The following WNT3A variants were observed in gnomAD, a reference collection of about 807,000 sequenced individuals.
The protein encoded by WNT3A is Wnt family member 3A, also known as protein Wnt-3a.
WNT3A carries 17 observed loss-of-function variants against 37.0 expected under a neutral mutation model. The ratio of observed to expected loss-of-function variants is 0.46; its 90% confidence interval spans 0.31 to 0.69. The LOEUF (loss-of-function observed/expected upper bound fraction) is 0.69. Among genes scored for constraint, WNT3A ranks in the 30% least tolerant of loss-of-function variants. The probability of loss-of-function intolerance (pLI) is 0.05; values close to 1 mark genes in which losing one functional copy is unlikely to be tolerated. For synonymous variants in WNT3A, 187 were observed against 211.0 expected, an observed-to-expected ratio of 0.89 and a Z score of 0.99; for missense variants, 411 against 510.2, an observed-to-expected ratio of 0.81 and a Z score of 1.87.
At position 228,008,541 on chromosome 1, in the gene WNT3A, G is replaced by A. The variant is rs1042359834; in HGVS notation, c.71+1342G>A. Among the ~76,000 whole-genome samples, 1 of 151,978 alleles carries A rather than the reference G, an allele frequency of 6.6e-6. No homozygotes were observed. The highest frequency in any genetic ancestry group is 2.4e-5 in the African/African-American group (1 of 41,414). The stretch of plus-strand genomic sequence containing the variant: ...GACCCCCGCGCGCCCCTATTTCCGC[G>A]TGCCCCATTTCCCGTGCGGCACCTG... On this transcript the variant is annotated intron_variant, in intron 1 of 3. Transcript: ENST00000284523. The surrounding 1 kb of genome is among the most constrained non-coding windows in gnomAD (Gnocchi z 4.9).
chr1:228,060,057 T>C lies in WNT3A; in HGVS notation c.*592T>C, dbSNP rs2031769511. ...GGCAAGGCCCCTTCCACGGGGGCTG[T>C]GGCTCTGGGTGGGCGTGGCCTGCAT... On this transcript the variant is annotated 3_prime_UTR_variant, in exon 4 of 4. Transcript: ENST00000284523. 1.7e-6 allele frequency: 2 copies of C among 1,194,000 alleles called. No individual in the cohort carries two copies. The highest frequency in any genetic ancestry group is 2.1e-6 in the Non-Finnish European group (2 of 943,074). The allele number at this position is 1,194,000 out of a possible 1,614,324, so 74.0% of individuals were successfully genotyped here.
In WNT3A at chr1:228,058,996, G is replaced by C; in HGVS notation, c.590G>C (p.Ser197Thr). ...GCGCGTGCCCCGCAGGCCATCGCCA[G>C]CCACATGCACCTCAAGTGCAAGTGC... ...NNEAGRQAIA[S>T]HMHLKCKCHG... Residue 197 changes from serine to threonine, a missense_variant, in exon 4 of 4, where the codon AGC (serine) becomes ACC (threonine). Physicochemically the swap from Ser to Thr is moderately conservative, Grantham distance 58 (BLOSUM62 1). Coordinates refer to ENST00000284523, the MANE Select transcript of WNT3A (RefSeq NM_033131.4). 1 of 1,610,382 alleles carries C rather than the reference G, an allele frequency of 6.2e-7. No homozygotes were observed. Among genetic ancestry groups the C allele is most frequent in the Non-Finnish European group, 8.5e-7 (1 of 1,178,244 alleles).
chr1:228,046,648 G>T (rs573759407), intron 2 of WNT3A, among the ~76,000 whole-genome samples: 2 of 151,416 alleles, frequency 1.3e-5, no homozygotes, highest in East Asian at 2.0e-4. Context: ...TGCCTGCATG[G>T]TGTGCATGTG....
At chr1:228,035,335 A>G (rs3121309) in intron 2 of WNT3A, among the ~76,000 whole-genome samples, 120,977 of 152,178 alleles carry the variant, frequency 0.79, 48,261 homozygotes, top group Middle Eastern at 0.81. Context: ...AAGCAGAGAC[A>G]TGAACCTTGG....
intron 1 of WNT3A, 63 bp from the exon 2 acceptor site, chr1:228,022,604 T>C: frequency 6.4e-7 from 1 of 1,566,076 alleles, no homozygotes; most frequent in Non-Finnish European, 8.7e-7. Context: ...AAAGGGTCTG[T>C]AGCCTGCTCA....
rs183754622 is a variant in WNT3A, at chr1:228,013,440, C to G, written c.71+6241C>G. Among the ~76,000 whole-genome samples, 494 of 152,352 alleles carry G rather than the reference C, an allele frequency of 3.2e-3. 3 individuals carry two copies. Among genetic ancestry groups the G allele is most frequent in the Admixed American group, 2.2e-3 (33 of 15,312 alleles). On this transcript the variant is annotated intron_variant, in intron 1 of 3. Coordinates refer to ENST00000284523, the MANE Select transcript of WNT3A (RefSeq NM_033131.4). ...CTTCCCCGGCAAAACGTGCCGCTGCCGCCCAGGGAAACTGGCAAGTGCGTG... is the reference window on the plus strand; with the variant it reads ...CTTCCCCGGCAAAACGTGCCGCTGCGGCCCAGGGAAACTGGCAAGTGCGTG...
At chr1:228,058,607 A>G (rs74143634) in intron 3 of WNT3A, among the ~76,000 whole-genome samples, 2,306 of 152,328 alleles carry the variant, frequency 0.015, 50 homozygotes, top group African/African-American at 0.049. Flanking sequence ...AGCGTGCCTG[A>G]GTCCTCAGGG....
At chr1:228,057,388 A>G (rs1274800191) in intron 3 of WNT3A, among the ~76,000 whole-genome samples, 1 of 152,210 alleles carries the variant, frequency 6.6e-6, no homozygotes, top group Non-Finnish European at 1.5e-5. Context: ...GTGTTAACAG[A>G]GTTGTAGACA....
intron 2 of WNT3A, among the ~76,000 whole-genome samples, chr1:228,046,268 G>A (rs1558293134): frequency 6.6e-6 from 1 of 152,226 alleles, no homozygotes; most frequent in African/African-American, 2.4e-5. Context: ...GTGTGCATGT[G>A]TGTGCATGCA....
intron 2 of WNT3A, among the ~76,000 whole-genome samples, chr1:228,030,100 A>G (rs2030961840): frequency 6.6e-6 from 1 of 152,008 alleles, no homozygotes; most frequent in Non-Finnish European, 1.5e-5. Flanking sequence ...AAATATAAAA[A>G]TAAAAATAAA....
chr1:228,022,414 A>T (rs143990531), intron 1 of WNT3A, among the ~76,000 whole-genome samples: 137 of 152,334 alleles, frequency 9.0e-4, no homozygotes, highest in Non-Finnish European at 1.5e-3. Context: ...ACACAGTGAG[A>T]TTCTGTCTCA....
intron 2 of WNT3A, among the ~76,000 whole-genome samples, chr1:228,026,228 A>G (rs2030852923): frequency 1.3e-5 from 2 of 152,012 alleles, no homozygotes; most frequent in African/African-American, 4.8e-5. Flanking sequence ...AGAATTTTCT[A>G]CATATAAATT....
At position 228,031,151 on chromosome 1, in the gene WNT3A, T is replaced by C. The variant is rs2030992907; in HGVS notation, c.313+8243T>C. On this transcript the variant is annotated intron_variant, in intron 2 of 3. Transcript: ENST00000284523. The surrounding 1 kb of genome is among the most constrained non-coding windows in gnomAD (Gnocchi z 4.8). ...GGGGAAGGCACCGTGGGGCAGAGAG[T>C]GGGGACCCGAGGGTCAGGCTCAGAG... 6.6e-6 allele frequency among the ~76,000 whole-genome samples: 1 copy of C among 151,786 alleles called. No individual in the cohort carries two copies. Among genetic ancestry groups the C allele is most frequent in the Non-Finnish European group, 1.5e-5 (1 of 67,934 alleles).
At chr1:228,045,437 C>T (rs531116512) in intron 2 of WNT3A, among the ~76,000 whole-genome samples, 6 of 152,280 alleles carry the variant, frequency 3.9e-5, no homozygotes, top group Admixed American at 1.3e-4. Flanking sequence ...CCAGGACACT[C>T]CTCAACTCTA....
At chr1:228,035,458 A>G (rs944581835) in intron 2 of WNT3A, among the ~76,000 whole-genome samples, 1 of 152,178 alleles carries the variant, frequency 6.6e-6, no homozygotes, top group African/African-American at 2.4e-5. Context: ...GCCTAGCTGG[A>G]GCATACAGTT....
chr1:228,028,465 C>A, intron 2 of WNT3A, among the ~76,000 whole-genome samples: 1 of 151,892 alleles, frequency 6.6e-6, no homozygotes, highest in Non-Finnish European at 1.5e-5. Context: ...CAATACCTGG[C>A]TAATTTTTTT....
intron 1 of WNT3A, among the ~76,000 whole-genome samples, chr1:228,016,828 G>C (rs1456914693): frequency 2.0e-5 from 3 of 152,048 alleles, no homozygotes; most frequent in Non-Finnish European, 4.4e-5. Context: ...GGCAGGGGAG[G>C]GTGCCAGGCT....
In WNT3A at chr1:228,037,986, C is replaced by A. The variant is rs1477440442; in HGVS notation, c.314-12670C>A. On this transcript the variant is annotated intron_variant, in intron 2 of 3. Coordinates refer to ENST00000284523, the MANE Select transcript of WNT3A (RefSeq NM_033131.4). The surrounding 1 kb of genome is among the most constrained non-coding windows in gnomAD (Gnocchi z 4.1). ...CTAGGGGGAAATTCATATAAAATAT[C>A]GCCGGCCATTGTGGGCCTAACTCGG... 2.0e-5 allele frequency among the ~76,000 whole-genome samples: 3 copies of A among 152,192 alleles called. No individual in the cohort carries two copies. The highest frequency in any genetic ancestry group is 4.4e-5 in the Non-Finnish European group (3 of 68,010).
At chr1:228,045,974 G>A (rs1239956107) in intron 2 of WNT3A, among the ~76,000 whole-genome samples, 3 of 152,262 alleles carry the variant, frequency 2.0e-5, no homozygotes, top group African/African-American at 4.8e-5. Flanking sequence ...GGCTAGGGAG[G>A]GAGTCAGTGG....
Sources: allele counts gnomAD v4.1 joint callset (sites outside exome capture counted in the v4.1 genomes callset), GRCh38; gene constraint gnomAD v4.1.1; non-coding constraint Gnocchi (gnomAD v3.1); transcripts MANE v1.5; gene names NCBI Gene and HGNC (gene_info 2026-07-23, HGNC 2026-07-21).